MEI4: variants seen among roughly 807,000 people sequenced by gnomAD.
MEI4 encodes meiosis-specific protein MEI4.
In MEI4, 27 loss-of-function variants were observed where a neutral mutation model predicts 31.4. The observed-to-expected ratio is 0.86, with a 90% confidence interval of 0.63 to 1.19. The LOEUF is 1.19. MEI4 is among the 50% of genes most tolerant of loss of function. The pLI is 0.00. For synonymous variants in MEI4, 122 were observed against 145.4 expected (o/e 0.84, Z 1.16); for missense variants, 329 against 398.9 (o/e 0.82, Z 1.49).
intron 3 of MEI4, among the ~76,000 whole-genome samples, chr6:77,825,532 CCTT>C: frequency 6.6e-6 from 1 of 152,224 alleles, no homozygotes; most frequent in South Asian, 2.1e-4. Context: ...AACACAAGGA[CCTT>C]TATGAAGGTG....
chr6:77,768,177 T>C (rs1472758651), intron 3 of MEI4, among the ~76,000 whole-genome samples: 1 of 152,186 alleles, frequency 6.6e-6, no homozygotes, highest in Non-Finnish European at 1.5e-5. Context: ...TTCAGGTATA[T>C]GATGCTGAAT....
intron 4 of MEI4, among the ~76,000 whole-genome samples, chr6:77,852,868 A>G (rs188180182): frequency 6.6e-6 from 1 of 152,128 alleles, no homozygotes; most frequent in Non-Finnish European, 1.5e-5. Context: ...TCAGACCATA[A>G]AACTATGTAT....
At chr6:77,760,299 A>G (rs1462389769) in intron 2 of MEI4, among the ~76,000 whole-genome samples, 1 of 152,068 alleles carries the variant, frequency 6.6e-6, no homozygotes, top group African/African-American at 2.4e-5. Flanking sequence ...ATATATTTAT[A>G]TTTGTATATC....
chr6:77,739,999 A>G (rs1359498580), intron 2 of MEI4, among the ~76,000 whole-genome samples: 7 of 152,120 alleles, frequency 4.6e-5, no homozygotes, highest in Non-Finnish European at 1.5e-5. Context: ...GTTATGTTGT[A>G]TCTTTGTTCT....
chr6:77,923,246 C>CTATT lies in MEI4; in HGVS notation c.1060_1063dup (p.Phe355TyrfsTer6). ...AAATTTCTTCAGAAGCATGATGAAA[C>CTATT]TATTTTCCAACTTTCTGATGCATTT... On this transcript the variant is annotated frameshift_variant, in exon 5 of 5. Coordinates refer to ENST00000684080, the MANE Select transcript of MEI4 (RefSeq NM_001322247.2). LOFTEE classifies it high-confidence loss of function. 8.1e-7 allele frequency: 1 copy of CTATT among 1,230,502 alleles called. No homozygotes were observed. The highest frequency in any genetic ancestry group is 1.0e-6 in the Non-Finnish European group (1 of 986,854). 76.2% of individuals were successfully genotyped at this position (1,230,502 alleles called of 1,614,324 possible).
At chr6:77,743,090 A>C (rs1002408127) in intron 2 of MEI4, among the ~76,000 whole-genome samples, 1 of 152,060 alleles carries the variant, frequency 6.6e-6, no homozygotes, top group Non-Finnish European at 1.5e-5. Context: ...CTTAGGATTG[A>C]CTTGGCGATG....
chr6:77,690,599 T>C (rs1200621625), intron 1 of MEI4, 59 bp from the exon 2 acceptor site: 1 of 764,948 alleles, frequency 1.3e-6, no homozygotes, highest in African/African-American at 1.8e-5. Context: ...TTTAAGCAAA[T>C]GAAATGCACT....
intron 3 of MEI4, among the ~76,000 whole-genome samples, chr6:77,795,619 C>G (rs1561991939): frequency 6.6e-6 from 1 of 151,636 alleles, no homozygotes; most frequent in East Asian, 1.9e-4. Context: ...CACAAAAATG[C>G]AAAAAATCCT....
At chr6:77,859,755 G>C (rs1770825849) in intron 4 of MEI4, among the ~76,000 whole-genome samples, 1 of 152,092 alleles carries the variant, frequency 6.6e-6, no homozygotes, top group Non-Finnish European at 1.5e-5. Context: ...CTTGATGTTT[G>C]CTTACTGATC....
At chr6:77,669,684 T>C (rs1768703164) in intron 1 of MEI4, among the ~76,000 whole-genome samples, 1 of 152,240 alleles carries the variant, frequency 6.6e-6, no homozygotes, top group Non-Finnish European at 1.5e-5. Context: ...AATATACGTG[T>C]CTGTATCGTA....
intron 4 of MEI4, among the ~76,000 whole-genome samples, chr6:77,862,361 A>G (rs1358580480): frequency 6.6e-6 from 1 of 152,228 alleles, no homozygotes; most frequent in East Asian, 1.9e-4. Context: ...CTGGAAAATC[A>G]GGTCACTCCC....
chr6:77,810,509 G>T (rs1331689086), intron 3 of MEI4, among the ~76,000 whole-genome samples: 1 of 152,144 alleles, frequency 6.6e-6, no homozygotes, highest in Non-Finnish European at 1.5e-5. Context: ...CATCTGCCCG[G>T]TGCCAGAAAA....
intron 4 of MEI4, among the ~76,000 whole-genome samples, chr6:77,916,757 C>T (rs971480377): frequency 2.2e-5 from 2 of 90,148 alleles, no homozygotes; most frequent in African/African-American, 5.1e-5. Flanking sequence ...TCAGGCTGCA[C>T]CTCTAATTCT....
chr6:77,807,461 C>T (rs1769468288), intron 3 of MEI4, among the ~76,000 whole-genome samples: 1 of 151,986 alleles, frequency 6.6e-6, no homozygotes, highest in Non-Finnish European at 1.5e-5. Flanking sequence ...CTATGTAATT[C>T]ACCCCCAGTC....
chr6:77,915,227 A>T (rs1262832550), intron 4 of MEI4, among the ~76,000 whole-genome samples: 3 of 151,956 alleles, frequency 2.0e-5, no homozygotes, highest in Non-Finnish European at 4.4e-5. Context: ...TTGCTCTACT[A>T]GTTCATAATA....
intron 1 of MEI4, among the ~76,000 whole-genome samples, chr6:77,681,342 T>C (rs1221812051): frequency 6.6e-6 from 1 of 152,234 alleles, no homozygotes; most frequent in African/African-American, 2.4e-5. Context: ...TAAAATGTAC[T>C]CTACGAACAA....
rs370844683 is a variant in MEI4, at chr6:77,660,940, G to C, written c.-15+7848G>C. ...CAGCTAGGGTGTCTTCGTATGGCTGGGGATCTGGAGTAGGCAAGAGAAGAT... is the reference window on the plus strand; with the variant it reads ...CAGCTAGGGTGTCTTCGTATGGCTGCGGATCTGGAGTAGGCAAGAGAAGAT... On this transcript the variant is annotated intron_variant, in intron 1 of 4. Coordinates refer to ENST00000684080, the MANE Select transcript of MEI4 (RefSeq NM_001322247.2). Among the ~76,000 whole-genome samples, 10 of 152,212 alleles carry C rather than the reference G, an allele frequency of 6.6e-5. No homozygotes were observed. The East Asian group carries it at 1.7e-3, about 27-fold the overall frequency.
intron 2 of MEI4, among the ~76,000 whole-genome samples, chr6:77,748,454 A>G (rs1007367955): frequency 3.3e-5 from 5 of 152,176 alleles, no homozygotes; most frequent in Non-Finnish European, 4.4e-5. Flanking sequence ...TTCAGCTACA[A>G]CTGGAGCTGG....
chr6:77,689,188 A>T (rs1461030465), intron 1 of MEI4, among the ~76,000 whole-genome samples: 1 of 151,946 alleles, frequency 6.6e-6, no homozygotes, highest in Non-Finnish European at 1.5e-5. Context: ...TATCTTCCCC[A>T]TTTTTCTTGT....
Sources: allele counts gnomAD v4.1 joint callset (sites outside exome capture counted in the v4.1 genomes callset), GRCh38; gene constraint gnomAD v4.1.1; transcripts MANE v1.5; gene names NCBI Gene and HGNC (gene_info 2026-07-23, HGNC 2026-07-21).